GPC6: variants seen among roughly 807,000 people sequenced by gnomAD.
GPC6 encodes glypican 6.
GPC6 carries 14 observed loss-of-function variants against 55.2 expected under a neutral mutation model. The observed-to-expected ratio is 0.25, with a 90% confidence interval of 0.17 to 0.40. The LOEUF (loss-of-function observed/expected upper bound fraction) is 0.40. Ranked by LOEUF, GPC6 falls within the 10% of genes least tolerant of loss-of-function variation. GPC6 has a pLI of 1.00. For synonymous variants in GPC6, 278 were observed against 259.6 expected (o/e 1.07, Z -0.68); for missense variants, 641 against 708.5 (o/e 0.90, Z 1.08).
At chr13:93,906,899 A>T (rs945491949) in intron 3 of GPC6, among the ~76,000 whole-genome samples, 1 of 152,192 alleles carries the variant, frequency 6.6e-6, no homozygotes, top group South Asian at 2.1e-4. Flanking sequence ...TAACTAGTAG[A>T]TACATATATA....
At chr13:93,851,800 A>G (rs1207141993) in intron 3 of GPC6, among the ~76,000 whole-genome samples, 1 of 151,816 alleles carries the variant, frequency 6.6e-6, no homozygotes, top group Non-Finnish European at 1.5e-5. Context: ...TAAAATAAGT[A>G]GAGGATTATA....
intron 2 of GPC6, among the ~76,000 whole-genome samples, chr13:93,600,404 T>G (rs1877956117): frequency 6.6e-6 from 1 of 152,210 alleles, no homozygotes; most frequent in South Asian, 2.1e-4. Flanking sequence ...AAATTGGAAC[T>G]GTGTTTGGCT....
intron 4 of GPC6, among the ~76,000 whole-genome samples, chr13:94,052,691 T>G (rs1883994560): frequency 6.6e-6 from 1 of 152,176 alleles, no homozygotes; most frequent in Admixed American, 6.5e-5. Context: ...TTTGTTTCAT[T>G]TTTCCCCTTA....
At chr13:93,535,820 C>G (rs1323001656) in intron 1 of GPC6, among the ~76,000 whole-genome samples, 1 of 151,952 alleles carries the variant, frequency 6.6e-6, no homozygotes. Context: ...TTTCAGTTAT[C>G]CCACAGCCTT....
At chr13:94,388,540 T>C (rs1880509655) in intron 7 of GPC6, among the ~76,000 whole-genome samples, 1 of 152,226 alleles carries the variant, frequency 6.6e-6, no homozygotes, top group Admixed American at 6.5e-5. Context: ...TTTTGATACA[T>C]GGCAAGGATG....
At chr13:94,272,933 CCTT>C (rs888629942) in intron 4 of GPC6, among the ~76,000 whole-genome samples, 6 of 151,912 alleles carry the variant, frequency 3.9e-5, no homozygotes, top group Non-Finnish European at 7.4e-5. Flanking sequence ...AACTCAGTGA[CCTT>C]CTTCACACAT....
chr13:93,228,537 CTT>C (rs1313828262), intron 1 of GPC6, among the ~76,000 whole-genome samples: 1 of 152,190 alleles, frequency 6.6e-6, no homozygotes, highest in Non-Finnish European at 1.5e-5. Flanking sequence ...TCTCCGACAA[CTT>C]GCGCGGCAGT....
At chr13:94,352,944 G>A (rs1185435120) in intron 6 of GPC6, among the ~76,000 whole-genome samples, 1 of 152,150 alleles carries the variant, frequency 6.6e-6, no homozygotes, top group Non-Finnish European at 1.5e-5. Flanking sequence ...AGTATCTGGA[G>A]AACTGTATGT....
chr13:94,279,665 G>A (rs151078148), intron 4 of GPC6, among the ~76,000 whole-genome samples: 2,816 of 152,194 alleles, frequency 0.019, 90 homozygotes, highest in African/African-American at 0.064. Flanking sequence ...TGGTTTCAAA[G>A]AACTTCTTGA....
At chr13:93,450,821 C>T (rs1167278764) in intron 1 of GPC6, 1 of 420,706 alleles carries the variant, frequency 2.4e-6, no homozygotes, top group African/African-American at 2.1e-5. Context: ...TGTATTTTAT[C>T]CTGAGGACAT....
rs531762189 is a variant in GPC6, at chr13:93,766,830, A to G, written c.320-63324A>G. Among the ~76,000 whole-genome samples the G allele has an allele frequency of 5.3e-5, 8 of 152,298 alleles. No homozygotes were observed. In the East Asian group the frequency reaches 1.2e-3, roughly 22 times the overall value. On this transcript the variant is annotated intron_variant, in intron 2 of 8. Transcript: ENST00000377047. Reference sequence around the variant, plus strand: ...CATGAAACTAAACCACATATATTTAACTATCTCCTTAAGCTTAGCTTAAAA... The same window carrying G: ...CATGAAACTAAACCACATATATTTAGCTATCTCCTTAAGCTTAGCTTAAAA...
At chr13:93,502,837 T>C (rs1198902045) in intron 1 of GPC6, among the ~76,000 whole-genome samples, 1 of 152,156 alleles carries the variant, frequency 6.6e-6, no homozygotes, top group Admixed American at 6.6e-5. Flanking sequence ...TGTCACTGTA[T>C]GTAGAATTAG....
chr13:94,065,322 A>G (rs1884479012), intron 4 of GPC6, among the ~76,000 whole-genome samples: 1 of 152,206 alleles, frequency 6.6e-6, no homozygotes, highest in South Asian at 2.1e-4. Flanking sequence ...AATGAATGCT[A>G]GGCACTCAGT....
chr13:93,962,930 G>C (rs1046882008), intron 3 of GPC6, among the ~76,000 whole-genome samples: 1 of 152,104 alleles, frequency 6.6e-6, no homozygotes, highest in Non-Finnish European at 1.5e-5. Flanking sequence ...TGTGACAGTT[G>C]TTCTGATTAG....
intron 4 of GPC6, among the ~76,000 whole-genome samples, chr13:94,284,659 T>C (rs1304104883): frequency 6.6e-6 from 1 of 152,144 alleles, no homozygotes; most frequent in Non-Finnish European, 1.5e-5. Context: ...ATCCATGTTA[T>C]TTTATCTAGA....
chr13:93,334,460 C>T (rs1392882866), intron 1 of GPC6, among the ~76,000 whole-genome samples: 2 of 151,952 alleles, frequency 1.3e-5, no homozygotes, highest in Non-Finnish European at 1.5e-5. Flanking sequence ...GACATTGATT[C>T]TTCTTATTTA....
intron 1 of GPC6, among the ~76,000 whole-genome samples, chr13:93,238,343 T>TGGG (rs1702088439): frequency 6.6e-6 from 1 of 151,916 alleles, no homozygotes; most frequent in Non-Finnish European, 1.5e-5. Flanking sequence ...GCAGCTATTG[T>TGGG]AAATGGGATG....
At chr13:93,969,430 G>A (rs750899761) in intron 3 of GPC6, among the ~76,000 whole-genome samples, 1 of 152,084 alleles carries the variant, frequency 6.6e-6, no homozygotes, top group Admixed American at 6.6e-5. Context: ...TGTATGCCAG[G>A]GATGCCTAAG....
intron 6 of GPC6, among the ~76,000 whole-genome samples, chr13:94,381,390 T>C (rs1209923419): frequency 1.3e-5 from 2 of 152,192 alleles, no homozygotes; most frequent in African/African-American, 4.8e-5. Context: ...GGATCCCTTC[T>C]AGACCTCTCT....
Sources: allele counts gnomAD v4.1 joint callset (sites outside exome capture counted in the v4.1 genomes callset), GRCh38; gene constraint gnomAD v4.1.1; transcripts MANE v1.5; gene names NCBI Gene and HGNC (gene_info 2026-07-23, HGNC 2026-07-21).